Variants in ADGRG6 observed in about 807,000 individuals in gnomAD.
ADGRG6 encodes G-protein coupled receptor 126.
Under a neutral mutation model 142.4 loss-of-function variants are expected in ADGRG6, and 84 were observed. The observed-to-expected ratio is 0.59, with a 90% confidence interval of 0.49 to 0.71. The LOEUF (loss-of-function observed/expected upper bound fraction) is 0.71. ADGRG6 is among the 30% of genes least tolerant of loss of function. ADGRG6 has a pLI of 0.00. For synonymous variants in ADGRG6, 521 were observed against 520.5 expected (o/e 1.00, Z -0.01); for missense variants, 1,367 against 1,466.6 (o/e 0.93, Z 1.11).
At chr6:142,398,535 A>G (rs1775325872) in intron 10 of ADGRG6, among the ~76,000 whole-genome samples, 1 of 152,296 alleles carries the variant, frequency 6.6e-6, no homozygotes, top group East Asian at 1.9e-4. Flanking sequence ...TGGACCTAAA[A>G]TCAAGTTTCT....
At chr6:142,405,557 A>G in intron 14 of ADGRG6, 131 bp from the exon 15 acceptor site, 1 of 722,116 alleles carries the variant, frequency 1.4e-6, no homozygotes, top group East Asian at 2.7e-5. Flanking sequence ...ACTACTGTAG[A>G]TACAAAGGGA....
chr6:142,402,868 G>A (rs960189758), intron 13 of ADGRG6, 38 bp downstream of exon 13: 3 of 1,067,762 alleles, frequency 2.8e-6, no homozygotes, highest in Non-Finnish European at 2.7e-6. Context: ...AAATTTTATT[G>A]GATAATGATG....
chr6:142,403,550 T>TTG (rs1165135851), intron 13 of ADGRG6, among the ~76,000 whole-genome samples: 3 of 152,144 alleles, frequency 2.0e-5, no homozygotes, highest in African/African-American at 7.2e-5. Flanking sequence ...AAAACAGTAT[T>TTG]TGTTCAGGAT....
At chr6:142,303,161 C>T (rs745493538) in intron 1 of ADGRG6, among the ~76,000 whole-genome samples, 3 of 152,176 alleles carry the variant, frequency 2.0e-5, no homozygotes, top group Non-Finnish European at 4.4e-5. Context: ...AATTTTCCTT[C>T]TGATGTTTTA....
chr6:142,326,459 T>C (rs992183904), intron 2 of ADGRG6, among the ~76,000 whole-genome samples: 1 of 151,902 alleles, frequency 6.6e-6, no homozygotes, highest in African/African-American at 2.4e-5. Flanking sequence ...CATATCTTGC[T>C]GGACCTAATT....
intron 19 of ADGRG6, among the ~76,000 whole-genome samples, chr6:142,415,419 A>AT (rs1185922618): frequency 2.0e-5 from 3 of 152,178 alleles, no homozygotes; most frequent in South Asian, 2.1e-4. Context: ...TCCTGAAACA[A>AT]TTTTTTTAAG....
intron 22 of ADGRG6, among the ~76,000 whole-genome samples, chr6:142,423,242 T>C (rs1776751926): frequency 7.0e-6 from 1 of 142,264 alleles, no homozygotes; most frequent in Non-Finnish European, 1.5e-5. Context: ...TCCTTGCCCA[T>C]GCCTATGTCC....
rs112923600 is a variant in ADGRG6 at position 142,413,899 on chromosome 6, TCACACACA to T, written c.2542-1039_2542-1032del. Among the ~76,000 whole-genome samples, 647 of 141,482 alleles carry T rather than the reference TCACACACA, an allele frequency of 4.6e-3. 9 individuals are homozygous for T. The highest frequency in any genetic ancestry group is 0.015 in the African/African-American group (562 of 38,202). The allele number at this position is 141,482 out of a possible 152,430, so 92.8% of individuals were successfully genotyped here. A position where few individuals can be genotyped will look rare whatever the true frequency, so the allele number is the denominator to read the frequency against. ...CCTGAAACTAACCCACATTTCTTTA[TCACACACA>T]CACACACACACACACACACACACAC... On this transcript the variant is annotated intron_variant, in intron 18 of 24. Coordinates refer to ENST00000367609, the MANE Select transcript of ADGRG6 (RefSeq NM_198569.3).
At chr6:142,406,903 G>T (rs1218502575) in intron 15 of ADGRG6, among the ~76,000 whole-genome samples, 1 of 152,062 alleles carries the variant, frequency 6.6e-6, no homozygotes, top group Non-Finnish European at 1.5e-5. Context: ...AAATGTGAAT[G>T]GTACAGAAAT....
intron 5 of ADGRG6, 144 bp downstream of exon 5, chr6:142,382,163 T>C (rs1781800752): frequency 9.7e-6 from 6 of 616,428 alleles, no homozygotes; most frequent in Non-Finnish European, 1.5e-5. Flanking sequence ...CTGCATGTGT[T>C]TTAGTTGTGT....
chr6:142,324,995 A>G (rs1401079896), intron 2 of ADGRG6, among the ~76,000 whole-genome samples: 1 of 152,178 alleles, frequency 6.6e-6, no homozygotes, highest in Non-Finnish European at 1.5e-5. Context: ...TTGTAAACAA[A>G]TAGAATGAGG....
At chr6:142,404,316 T>C (rs1338033788) in intron 14 of ADGRG6, 1 of 247,170 alleles carries the variant, frequency 4.0e-6, no homozygotes, top group Non-Finnish European at 7.7e-6. Flanking sequence ...TGCATTCTCT[T>C]TGCCAGTGGT....
At chr6:142,428,548 T>A (rs1284004987) in intron 22 of ADGRG6, among the ~76,000 whole-genome samples, 2 of 152,162 alleles carry the variant, frequency 1.3e-5, no homozygotes, top group Non-Finnish European at 2.9e-5. Flanking sequence ...GGGAAGAGGT[T>A]TAATTGACTC....
intron 22 of ADGRG6, 25 bp from the exon 23 acceptor site, chr6:142,437,409 A>G (rs958509382): frequency 2.8e-6 from 3 of 1,072,880 alleles, no homozygotes; most frequent in Non-Finnish European, 2.9e-6. Flanking sequence ...GTTGGCTTAA[A>G]TATTTATATT....
chr6:142,420,975 A>G (rs1011202330), intron 22 of ADGRG6, among the ~76,000 whole-genome samples: 3 of 152,204 alleles, frequency 2.0e-5, no homozygotes, highest in South Asian at 2.1e-4. Context: ...CAAATGGCTT[A>G]ACTGAAGCTA....
intron 9 of ADGRG6, among the ~76,000 whole-genome samples, chr6:142,396,413 C>T (rs993382978): frequency 1.3e-5 from 2 of 152,122 alleles, no homozygotes; most frequent in African/African-American, 4.8e-5. Flanking sequence ...GAGTAGAGCA[C>T]CTATTCCTTG....
chr6:142,317,461 G>T (rs1562305421), intron 2 of ADGRG6, among the ~76,000 whole-genome samples: 2 of 151,326 alleles, frequency 1.3e-5, no homozygotes, highest in Non-Finnish European at 2.9e-5. Context: ...AAAGAGTTAG[G>T]TATCTTTAAT....
intron 22 of ADGRG6, among the ~76,000 whole-genome samples, chr6:142,434,064 A>G (rs1562392784): frequency 6.6e-6 from 1 of 152,130 alleles, no homozygotes; most frequent in Non-Finnish European, 1.5e-5. Flanking sequence ...TAAAAAAGAA[A>G]AAACTTCTCT....
chr6:142,403,901 C>T lies in ADGRG6; in HGVS notation c.2055C>T (p.Ser685=). The change falls in exon 14 of 25, where the codon TCC becomes TCT. Residue 685 remains serine (S), a synonymous_variant. Transcript: ENST00000367609. ...TTRNLALSVS[S]LLPGTNAISN... is the part of the protein sequence containing the mutation. ...GGAACTTGGCTCTCAGCGTATCATC[C>T]CTGTTACCAGGGACAAATGCAATTT... is the stretch of plus-strand genomic sequence containing the variant. 1 of 1,609,508 alleles carries T rather than the reference C, an allele frequency of 6.2e-7. No individual in the cohort carries two copies.
Sources: gnomAD v4.1 joint callset for allele counts (sites outside exome capture counted in the v4.1 genomes callset) on GRCh38, gnomAD v4.1.1 for gene constraint, MANE v1.5 for transcripts, NCBI Gene and HGNC (gene_info 2026-07-23, HGNC 2026-07-21) for gene names.